CCDC102B: variants seen among roughly 807,000 people sequenced by gnomAD.
CCDC102B encodes coiled-coil domain containing 102B.
CCDC102B carries 75 observed loss-of-function variants against 57.4 expected under a neutral mutation model. The ratio of observed to expected loss-of-function variants is 1.31; its 90% CI spans 1.08 to 1.58. CCDC102B has a LOEUF of 1.58. Ranked by LOEUF, CCDC102B falls within the 40% of genes most tolerant of loss-of-function variation. CCDC102B has a pLI of 0.00. For missense variants in CCDC102B, 636 were observed against 582.6 expected, an observed-to-expected ratio of 1.09 and a Z score of -0.94; for synonymous variants, 206 against 201.9, an observed-to-expected ratio of 1.02 and a Z score of -0.17.
intron 2 of CCDC102B, among the ~76,000 whole-genome samples, chr18:68,784,084 G>A (rs1178928493): frequency 6.6e-6 from 1 of 152,108 alleles, no homozygotes; most frequent in Non-Finnish European, 1.5e-5. Flanking sequence ...TAAATATTCA[G>A]TATTTGTTAA....
Position 68,837,125 on chromosome 18 carries a change from G to T in CCDC102B, c.362G>T (p.Arg121Ile). ...AGGAACAGTGCCAGGGAGGAAGGAA[G>T]ACAACTCAGAATAAAACTAGAGATG... ...AERNSAREEGRQLRIKLEMAM... is the reference protein window; with the variant it reads ...AERNSAREEGIQLRIKLEMAM... The change falls in exon 2 of 8, where the codon AGA becomes ATA. Residue 121 changes from arginine to isoleucine, a missense_variant. By Grantham distance (97) the Arg-to-Ile change is moderately conservative. Transcript: ENST00000360242. The T allele has an allele frequency of 6.2e-7, 1 of 1,614,126 alleles. No homozygotes were observed. The highest frequency in any genetic ancestry group is 1.1e-5 in the South Asian group (1 of 91,082).
At chr18:68,938,089 A>C (rs2049291750) in intron 6 of CCDC102B, among the ~76,000 whole-genome samples, 1 of 152,014 alleles carries the variant, frequency 6.6e-6, no homozygotes. Flanking sequence ...ATTCATGCAG[A>C]AAAAAGGTCT....
chr18:68,909,096 A>AAAAAAAAAG (rs71176911), intron 6 of CCDC102B, among the ~76,000 whole-genome samples: 43,385 of 147,200 alleles, frequency 0.29, 6,927 homozygotes, highest in Non-Finnish European at 0.36. Context: ...ATGGTTAAAA[A>AAAAAAAAAG]AAAAAAAAGA....
At chr18:69,044,164 G>C (rs562418687) in intron 7 of CCDC102B, among the ~76,000 whole-genome samples, 1 of 152,240 alleles carries the variant, frequency 6.6e-6, no homozygotes, top group South Asian at 2.1e-4. Flanking sequence ...CTTTTTACCT[G>C]TCATAAAGCA....
At chr18:68,875,554 G>A (rs1442866556) in intron 5 of CCDC102B, among the ~76,000 whole-genome samples, 1 of 152,036 alleles carries the variant, frequency 6.6e-6, no homozygotes, top group Non-Finnish European at 1.5e-5. Flanking sequence ...ATTTGTATTA[G>A]GTTTTCTTCC....
In CCDC102B at chr18:68,837,137, T is replaced by C; in HGVS notation, c.374T>C (p.Ile125Thr). Residue 125 changes from isoleucine to threonine, a missense_variant, in exon 2 of 8, where the codon ATA (isoleucine) becomes ACA (threonine). Coordinates refer to ENST00000360242, the MANE Select transcript of CCDC102B (RefSeq NM_024781.3). Reference sequence around the variant, plus strand: ...AGGGAGGAAGGAAGACAACTCAGAATAAAACTAGAGATGGCGATGAAAGAA... The same window carrying C: ...AGGGAGGAAGGAAGACAACTCAGAACAAAACTAGAGATGGCGATGAAAGAA... ...SAREEGRQLRIKLEMAMKELS... is the reference protein window; with the variant it reads ...SAREEGRQLRTKLEMAMKELS... 6.2e-7 allele frequency: 1 copy of C among 1,613,910 alleles called. No individual in the cohort carries two copies.
At chr18:68,820,180 G>A (rs1235972851) in intron 1 of CCDC102B, among the ~76,000 whole-genome samples, 1 of 151,936 alleles carries the variant, frequency 6.6e-6, no homozygotes, top group Non-Finnish European at 1.5e-5. Context: ...AATTAAAGGG[G>A]ATCGCTTTAG....
At chr18:68,966,551 T>G (rs548615205) in intron 6 of CCDC102B, among the ~76,000 whole-genome samples, 58 of 152,238 alleles carry the variant, frequency 3.8e-4, no homozygotes, top group Middle Eastern at 3.4e-3. Context: ...GGTTAATATA[T>G]CAGAGAGTTT....
chr18:68,952,774 G>T (rs1468365828), intron 6 of CCDC102B, among the ~76,000 whole-genome samples: 1 of 152,104 alleles, frequency 6.6e-6, no homozygotes, highest in Non-Finnish European at 1.5e-5. Flanking sequence ...AAGAATATGT[G>T]CCAACAAAAA....
intron 5 of CCDC102B, among the ~76,000 whole-genome samples, chr18:68,877,302 A>G (rs1182082947): frequency 3.3e-5 from 5 of 152,234 alleles, no homozygotes; most frequent in Non-Finnish European, 7.3e-5. Flanking sequence ...TGTCTTAGGA[A>G]TAGCCCACCT....
At chr18:68,723,428 C>T (rs1319731621) in intron 2 of CCDC102B, among the ~76,000 whole-genome samples, 1 of 152,140 alleles carries the variant, frequency 6.6e-6, no homozygotes, top group East Asian at 1.9e-4. Context: ...TCCAAAGTCT[C>T]ATCTGAGACA....
chr18:68,755,261 T>A (rs1270860827), intron 2 of CCDC102B, among the ~76,000 whole-genome samples: 4 of 152,150 alleles, frequency 2.6e-5, no homozygotes, highest in Non-Finnish European at 5.9e-5. Flanking sequence ...TTTATTGTAG[T>A]CACTAAGCTC....
chr18:69,029,281 C>G (rs973453973), intron 7 of CCDC102B, among the ~76,000 whole-genome samples: 1 of 152,138 alleles, frequency 6.6e-6, no homozygotes, highest in Non-Finnish European at 1.5e-5. Flanking sequence ...TCAAATGTGT[C>G]AGAACTTGTC....
chr18:69,012,548 T>G (rs2145397741), intron 7 of CCDC102B, among the ~76,000 whole-genome samples: 1 of 152,320 alleles, frequency 6.6e-6, no homozygotes, highest in East Asian at 1.9e-4. Flanking sequence ...ATATTTGCTT[T>G]GCCTGTACCT....
At chr18:68,937,502 G>A (rs2049272808) in intron 6 of CCDC102B, among the ~76,000 whole-genome samples, 1 of 152,022 alleles carries the variant, frequency 6.6e-6, no homozygotes, top group Non-Finnish European at 1.5e-5. Context: ...ATTTTCATGA[G>A]TAGGTGACTT....
intron 7 of CCDC102B, among the ~76,000 whole-genome samples, chr18:69,027,956 G>A (rs1168476943): frequency 6.6e-6 from 1 of 152,098 alleles, no homozygotes; most frequent in Admixed American, 6.6e-5. Context: ...TGTGTCCCAG[G>A]TCCTCAATGA....
At chr18:68,931,091 C>G (rs1244985304) in intron 6 of CCDC102B, among the ~76,000 whole-genome samples, 1 of 151,618 alleles carries the variant, frequency 6.6e-6, no homozygotes, top group Admixed American at 6.6e-5. Flanking sequence ...AGATTTAACA[C>G]TTTGAGTAGA....
At chr18:68,878,471 A>G (rs1568306711) in intron 5 of CCDC102B, among the ~76,000 whole-genome samples, 1 of 152,202 alleles carries the variant, frequency 6.6e-6, no homozygotes, top group Admixed American at 6.5e-5. Context: ...GTGTTCCCCA[A>G]ATTTATATAC....
At chr18:68,805,140 T>A (rs1004260688) in intron 1 of CCDC102B, among the ~76,000 whole-genome samples, 5 of 152,202 alleles carry the variant, frequency 3.3e-5, no homozygotes, top group Admixed American at 2.0e-4. Flanking sequence ...AGTTGTCTTA[T>A]AATTACATAT....
Sources: gnomAD v4.1 joint callset for allele counts (sites outside exome capture counted in the v4.1 genomes callset) on GRCh38, gnomAD v4.1.1 for gene constraint, MANE v1.5 for transcripts, NCBI Gene and HGNC (gene_info 2026-07-23, HGNC 2026-07-21) for gene names.